Variants in UGT1A3 observed in about 807,000 individuals in gnomAD.
The protein encoded by UGT1A3 is UDP-glucuronosyltransferase 1A3.
Under a neutral mutation model 41.0 loss-of-function variants are expected in UGT1A3, and 31 were observed. The ratio of observed to expected loss-of-function variants is 0.76; its 90% CI spans 0.57 to 1.02. The LOEUF is 1.02. UGT1A3 is among the 50% of genes least tolerant of loss of function. UGT1A3 has a pLI of 0.00. For missense variants in UGT1A3, 737 were observed against 671.0 expected (o/e 1.10, Z -1.09); for synonymous variants, 262 against 257.6 (o/e 1.02, Z -0.17).
chr2:233,769,545 C>T lies in UGT1A3; in HGVS notation c.1307+1106C>T. ...ACCTCCTTTAGAAAGAAGCAGCAGT[C>T]AGGAAGACAGATGTGAAGAGCTGGA... is the stretch of plus-strand genomic sequence containing the variant. On this transcript the variant is annotated intron_variant, in intron 4 of 4. Transcript: ENST00000482026. This position sits in a 1 kb window ranked among gnomAD's most constrained non-coding sequence, Gnocchi z 4.4. 6.2e-7 allele frequency: 1 copy of T among 1,612,746 alleles called. No homozygotes were observed. Among genetic ancestry groups the T allele is most frequent in the Non-Finnish European group, 8.5e-7 (1 of 1,179,828 alleles).
chr2:233,750,617 G>C (rs1694515709), intron 1 of UGT1A3: 1 of 151,760 alleles, frequency 6.6e-6, no homozygotes, highest in African/African-American at 2.4e-5. Context: ...TTTGTGGGCT[G>C]GGTCCATGCT....
chr2:233,743,543 C>A (rs1253470461), intron 1 of UGT1A3: 2 of 1,367,070 alleles, frequency 1.5e-6, no homozygotes, highest in Admixed American at 3.8e-5. Flanking sequence ...TTCCTCTGAC[C>A]CCCCCAAAAT....
chr2:233,771,841 C>T (rs1700397789), intron 4 of UGT1A3, among the ~76,000 whole-genome samples: 1 of 147,174 alleles, frequency 6.8e-6, no homozygotes, highest in South Asian at 2.4e-4. Flanking sequence ...CCTTCTCTTC[C>T]TTCTTTTTCA....
chr2:233,755,241 A>G (rs535521102), intron 1 of UGT1A3: 33 of 865,204 alleles, frequency 3.8e-5, no homozygotes, highest in Non-Finnish European at 5.6e-5. Context: ...CTACCGGGGT[A>G]CTCCCAGCAC....
chr2:233,772,746 T>C lies in UGT1A3; in HGVS notation c.*187T>C. On this transcript the variant is annotated 3_prime_UTR_variant, in exon 5 of 5. Coordinates refer to ENST00000482026, the MANE Select transcript of UGT1A3 (RefSeq NM_019093.4). ...ATAGACTCGCTAGTCAGTAAAGATA[T>C]TTGAATATGTATCGTGCCCCCTCTG... The C allele has an allele frequency of 7.0e-7, 1 of 1,422,530 alleles. No individual in the cohort carries two copies. 88.1% of individuals were successfully genotyped at this position (1,422,530 alleles called of 1,614,324 possible).
At chr2:233,754,017 T>C (rs1254861079) in intron 1 of UGT1A3, among the ~76,000 whole-genome samples, 1 of 152,250 alleles carries the variant, frequency 6.6e-6, no homozygotes, top group African/African-American at 2.4e-5. Flanking sequence ...ACAGCCATGA[T>C]AGGAAACGAA....
chr2:233,730,512 T>C (rs1468182310), intron 1 of UGT1A3, among the ~76,000 whole-genome samples: 3 of 152,116 alleles, frequency 2.0e-5, no homozygotes, highest in Non-Finnish European at 4.4e-5. Flanking sequence ...GTTGACTCAG[T>C]GGAAGTGGGG....
At position 233,772,345 on chromosome 2, in the gene UGT1A3, A is replaced by G. The variant is rs72551358; in HGVS notation, c.1391A>G (p.Glu464Gly). 4 of 1,614,196 alleles carry G rather than the reference A, an allele frequency of 2.5e-6. No homozygotes were observed. The highest frequency in any genetic ancestry group is 3.4e-6 in the Non-Finnish European group (4 of 1,180,040). The change falls in exon 5 of 5, where the codon GAG becomes GGG. Residue 464 changes from glutamate (E) to glycine (G), a missense_variant. Glu to Gly is a moderately conservative substitution (Grantham distance 98, BLOSUM62 -2). Transcript: ENST00000482026. ...CTGGACCTGGCCGTGTTCTGGGTGG[A>G]GTTTGTGATGAGGCACAAGGGCGCG... The part of the protein sequence containing the change: ...EPLDLAVFWV[E>G]FVMRHKGAPH...
At chr2:233,733,871 G>T (rs1394272645) in intron 1 of UGT1A3, among the ~76,000 whole-genome samples, 1 of 152,036 alleles carries the variant, frequency 6.6e-6, no homozygotes, top group Non-Finnish European at 1.5e-5. Flanking sequence ...AATAGTTTCA[G>T]AAGGAATGGT....
At chr2:233,747,535 A>C in intron 1 of UGT1A3, 1 of 1,605,190 alleles carries the variant, frequency 6.2e-7, no homozygotes. Flanking sequence ...CATTTTCTGA[A>C]GACATTTTCT....
At chr2:233,738,533 C>T (rs762024449) in intron 1 of UGT1A3, among the ~76,000 whole-genome samples, 4 of 152,178 alleles carry the variant, frequency 2.6e-5, no homozygotes, top group African/African-American at 9.7e-5. Context: ...CAATGAAGTC[C>T]AGGCTGAGTC....
Position 233,772,929 on chromosome 2 carries a change from C to G in UGT1A3, c.*370C>G, listed in dbSNP as rs1186146273. On this transcript the variant is annotated 3_prime_UTR_variant, in exon 5 of 5. Transcript: ENST00000482026. ...CCCTACTGCAAATGGCAGTTTTAAT[C>G]TTATCTTTTGGCTTCTGCAGATGGT... is the stretch of plus-strand genomic sequence containing the variant. The G allele has an allele frequency of 2.8e-6, 1 of 355,154 alleles. No homozygotes were observed. The highest frequency in any genetic ancestry group is 4.3e-5 in the Admixed American group (1 of 23,230). 22.0% of individuals were successfully genotyped at this position (355,154 alleles called of 1,614,324 possible). A position where few individuals can be genotyped will look rare whatever the true frequency, so the allele number is the denominator to read the frequency against.
chr2:233,754,105 C>T (rs1695394703), intron 1 of UGT1A3, among the ~76,000 whole-genome samples: 1 of 152,196 alleles, frequency 6.6e-6, no homozygotes, highest in South Asian at 2.1e-4. Context: ...TCAACTCTTC[C>T]TACATCACGA....
rs1376789035 is a variant in UGT1A3, at chr2:233,729,290, G to C, written c.164G>C (p.Gly55Ala). The change falls in exon 1 of 5, where the codon GGC becomes GCC. Residue 55 changes from glycine (G) to alanine (A), a missense_variant. Transcript: ENST00000482026. ...REVLRELHAR[G>A]HQAVVLTPEV... ...GTCTTGCGGGAGCTCCATGCCAGAG[G>C]CCACCAGGCAGTGGTCCTCACCCCA... is the stretch of plus-strand genomic sequence containing the variant. 3 of 1,614,236 alleles carry C rather than the reference G, an allele frequency of 1.9e-6. No individual in the cohort carries two copies. The highest frequency in any genetic ancestry group is 4.5e-5 in the East Asian group (2 of 44,888).
chr2:233,731,662 A>G (rs2078189786), intron 1 of UGT1A3, among the ~76,000 whole-genome samples: 1 of 151,984 alleles, frequency 6.6e-6, no homozygotes, highest in African/African-American at 2.4e-5. Flanking sequence ...TATGTGCCAC[A>G]TTTTCTTAAT....
Position 233,744,055 on chromosome 2 carries a change from C to A in UGT1A3, c.867+14062C>A, listed in dbSNP as rs115067532. 2,270 of 645,232 alleles carry A rather than the reference C, an allele frequency of 3.5e-3. 102 individuals carry two copies. The African/African-American group carries it at 0.042, about 12-fold the overall frequency. 40.0% of individuals were successfully genotyped at this position (645,232 alleles called of 1,614,324 possible). A position where few individuals can be genotyped will look rare whatever the true frequency, so the allele number is the denominator to read the frequency against. ...TATGACGCAGCCACATCTCATTGGT[C>A]GAGGCCTATGAGCGCCTCGCATCCC... is the stretch of plus-strand genomic sequence containing the variant. On this transcript the variant is annotated intron_variant, in intron 1 of 4. Coordinates refer to ENST00000482026, the MANE Select transcript of UGT1A3 (RefSeq NM_019093.4).
intron 1 of UGT1A3, among the ~76,000 whole-genome samples, chr2:233,733,368 G>A (rs1157903403): frequency 6.6e-6 from 1 of 152,148 alleles, no homozygotes; most frequent in African/African-American, 2.4e-5. Context: ...GGTGAGAGAG[G>A]TCATCCTTGT....
rs1178608845 is a variant in UGT1A3, at chr2:233,760,418, T to A, written c.868-6616T>A. The A allele has an allele frequency of 8.7e-6, 14 of 1,614,198 alleles. No homozygotes were observed. The highest frequency in any genetic ancestry group is 1.1e-5 in the Non-Finnish European group (13 of 1,180,018). On this transcript the variant is annotated intron_variant, in intron 1 of 4. Transcript: ENST00000482026. ...GATGGCAGCCACTGGCTGAGCATGC[T>A]TGGGGCCATCCAGCAGCTGCAGCAG...
intron 1 of UGT1A3, among the ~76,000 whole-genome samples, chr2:233,737,953 A>C (rs1429614905): frequency 6.6e-6 from 1 of 152,112 alleles, no homozygotes; most frequent in East Asian, 1.9e-4. Context: ...GTTTCCCAAC[A>C]TGAGGTCACA....
Sources: gnomAD v4.1 joint callset for allele counts (sites outside exome capture counted in the v4.1 genomes callset) on GRCh38, gnomAD v4.1.1 for gene constraint, Gnocchi (gnomAD v3.1) non-coding constraint, MANE v1.5 for transcripts, NCBI Gene and HGNC (gene_info 2026-07-23, HGNC 2026-07-21) for gene names.